The following PNP variants were observed in gnomAD, a reference collection of about 807,000 sequenced individuals.
The protein encoded by PNP is HEL-S-156an.
Under a neutral mutation model 26.8 loss-of-function variants are expected in PNP, and 18 were observed. The observed-to-expected ratio is 0.67, with a 90% confidence interval of 0.46 to 1.00. The LOEUF is 1.00. PNP is among the 50% of genes least tolerant of loss of function. The probability of loss-of-function intolerance (pLI) is 0.00; values close to 1 mark genes in which losing one functional copy is unlikely to be tolerated. For synonymous variants in PNP, 116 were observed against 124.8 expected (o/e 0.93, Z 0.47); for missense variants, 320 against 362.9 (o/e 0.88, Z 0.96).
Position 20,476,454 on chromosome 14 carries a change from C to A in PNP, c.723C>A (p.Ile241=). 1 of 1,614,198 alleles carries A rather than the reference C, an allele frequency of 6.2e-7. No homozygotes were observed. Among genetic ancestry groups the A allele is most frequent in the Non-Finnish European group, 8.5e-7 (1 of 1,180,020 alleles). ...CGLRVFGFSL[I]TNKVIMDYES... ...TTCGAGTCTTTGGCTTCTCACTCAT[C>A]ACTAACAAGGTCATCATGGATTATG... is the stretch of plus-strand genomic sequence containing the variant. The change falls in exon 6 of 6, where the codon ATC becomes ATA. Residue 241 remains isoleucine (I), a synonymous_variant. Transcript: ENST00000361505.
intron 2 of PNP, chr14:20,473,631 T>A (rs1446601282): frequency 1.3e-5 from 2 of 152,376 alleles, no homozygotes; most frequent in African/African-American, 4.8e-5. Flanking sequence ...AGTGTTGTGA[T>A]CTCGGCTCAC....
At chr14:20,471,430 G>T (rs12147688) in intron 1 of PNP, among the ~76,000 whole-genome samples, 40,002 of 150,942 alleles carry the variant, frequency 0.27, 5,295 homozygotes, top group African/African-American at 0.31. Flanking sequence ...GTGTGTGTGT[G>T]TTTTTTATAG....
In PNP at chr14:20,474,826, C is replaced by T. The variant is rs1180551873; in HGVS notation, c.339C>T (p.Val113=). 6.2e-7 allele frequency: 1 copy of T among 1,614,148 alleles called. No homozygotes were observed. Among genetic ancestry groups the T allele is most frequent in the Non-Finnish European group, 8.5e-7 (1 of 1,180,008 alleles). The change falls in exon 4 of 6, where the codon GTC becomes GTT. Residue 113 remains valine, a synonymous_variant. Coordinates refer to ENST00000361505, the MANE Select transcript of PNP (RefSeq NM_000270.4). ...TTCTGGGTGTGGACACCCTGGTAGT[C>T]ACCAATGCAGCAGGAGGGCTGAACC... ...FHLLGVDTLV[V]TNAAGGLNPK...
At chr14:20,475,399 A>G (rs1882081651) in intron 5 of PNP, 147 bp downstream of exon 5, 1 of 729,582 alleles carries the variant, frequency 1.4e-6, no homozygotes. Flanking sequence ...TGAAATACAA[A>G]CTGGTGAGAT....
rs1319429930 is a variant in PNP at position 20,469,455 on chromosome 14, C to T, written c.-70C>T. ...CCTTGCTCAGTTCAGCATAGCGGAGCGGATCCGATCGGATCGGAGCGGATC... is the reference window on the plus strand; with the variant it reads ...CCTTGCTCAGTTCAGCATAGCGGAGTGGATCCGATCGGATCGGAGCGGATC... On this transcript the variant is annotated 5_prime_UTR_variant, in exon 1 of 6. Transcript: ENST00000361505. 2.6e-6 allele frequency: 4 copies of T among 1,543,446 alleles called. No individual in the cohort carries two copies. Among genetic ancestry groups the T allele is most frequent in the Non-Finnish European group, 2.6e-6 (3 of 1,141,234 alleles).
At chr14:20,471,809 T>C (rs1306685457) in intron 1 of PNP, among the ~76,000 whole-genome samples, 2 of 152,180 alleles carry the variant, frequency 1.3e-5, no homozygotes, top group Non-Finnish European at 2.9e-5. Flanking sequence ...TGAATGTCTT[T>C]GGGGAACAGG....
chr14:20,474,093 C>T, intron 2 of PNP: 1 of 291,056 alleles, frequency 3.4e-6, no homozygotes. Flanking sequence ...CATTTGGTTC[C>T]CACTTATAAG....
chr14:20,472,671 C>T, intron 2 of PNP, 194 bp downstream of exon 2: 3 of 679,408 alleles, frequency 4.4e-6, no homozygotes, highest in Non-Finnish European at 8.0e-6. Flanking sequence ...CCATAAGAGA[C>T]AGGACATGTG....
Position 20,472,418 on chromosome 14 carries a change from A to T in PNP, c.122A>T (p.Lys41Ile). Residue 41 changes from lysine to isoleucine, a missense_variant, in exon 2 of 6, where the codon AAA becomes ATA. By Grantham distance (102) the Lys-to-Ile change is moderately radical. Transcript: ENST00000361505. ...TCTGGATTAGGAGGTCTGACTGATAAATTAACTCAGGCCCAGATCTTTGAC... is the reference window on the plus strand; with the variant it reads ...TCTGGATTAGGAGGTCTGACTGATATATTAACTCAGGCCCAGATCTTTGAC... Reference protein sequence around the residue: ...CGSGLGGLTDKLTQAQIFDYG... With the variant: ...CGSGLGGLTDILTQAQIFDYG... 1 of 1,614,120 alleles carries T rather than the reference A, an allele frequency of 6.2e-7. No individual in the cohort carries two copies. The highest frequency in any genetic ancestry group is 8.5e-7 in the Non-Finnish European group (1 of 1,179,956).
intron 1 of PNP, among the ~76,000 whole-genome samples, chr14:20,470,309 G>A (rs372102992): frequency 1.3e-5 from 2 of 152,216 alleles, no homozygotes; most frequent in Non-Finnish European, 2.9e-5. Flanking sequence ...GCCATGTGGC[G>A]GCAGCTTCAC....
Position 20,469,676 on chromosome 14 carries a change from T to C in PNP, c.11+141T>C, listed in dbSNP as rs1473657068. 1.0e-5 allele frequency: 12 copies of C among 1,165,654 alleles called. No individual in the cohort carries two copies. The East Asian group carries it at 2.8e-4, about 27-fold the overall frequency. The allele number at this position is 1,165,654 out of a possible 1,614,324, so 72.2% of individuals were successfully genotyped here. A position where few individuals can be genotyped will look rare whatever the true frequency, so the allele number is the denominator to read the frequency against. On this transcript the variant is annotated intron_variant, in intron 1 of 5. Coordinates refer to ENST00000361505, the MANE Select transcript of PNP (RefSeq NM_000270.4). ...CAGAGAGGCCTGGCACTGAGCCTAGTGTCGGGAGCAAGGCGGCAGAGTCAT... is the reference window on the plus strand; with the variant it reads ...CAGAGAGGCCTGGCACTGAGCCTAGCGTCGGGAGCAAGGCGGCAGAGTCAT...
chr14:20,470,579 G>A (rs1881966300), intron 1 of PNP: 1 of 151,180 alleles, frequency 6.6e-6, no homozygotes, highest in African/African-American at 2.4e-5. Context: ...TGAAAGCAAC[G>A]TTTGGTCTTC....
intron 4 of PNP, 56 bp downstream of exon 4, chr14:20,475,004 A>C: frequency 6.2e-7 from 1 of 1,613,378 alleles, no homozygotes; most frequent in Non-Finnish European, 8.5e-7. Flanking sequence ...CTTCTCTAGG[A>C]GCTGTGGGAG....
intron 1 of PNP, among the ~76,000 whole-genome samples, chr14:20,471,033 T>G (rs940464211): frequency 1.3e-5 from 2 of 151,828 alleles, no homozygotes; most frequent in African/African-American, 4.8e-5. Context: ...TATTTTATTT[T>G]TATTTATTTA....
intron 1 of PNP, 112 bp downstream of exon 1, chr14:20,469,647 G>A: frequency 7.3e-7 from 1 of 1,362,160 alleles, no homozygotes; most frequent in East Asian, 2.5e-5. Context: ...GCGCCCAGGG[G>A]ATGCAGAGAG....
Position 20,474,865 on chromosome 14 carries a change from T to A in PNP, c.378T>A (p.Val126=). The change falls in exon 4 of 6, where the codon GTT becomes GTA. Residue 126 remains valine, a synonymous_variant. Transcript: ENST00000361505. ...GAGGGCTGAACCCCAAGTTTGAGGT[T>A]GGAGATATCATGCTGATCCGTGACC... is the stretch of plus-strand genomic sequence containing the variant. ...AAGGLNPKFE[V]GDIMLIRDHI... The A allele has an allele frequency of 6.2e-7, 1 of 1,614,210 alleles. No homozygotes were observed. Among genetic ancestry groups the A allele is most frequent in the Non-Finnish European group, 8.5e-7 (1 of 1,180,044 alleles).
chr14:20,472,766 C>T (rs984525758), intron 2 of PNP: 14 of 384,274 alleles, frequency 3.6e-5, no homozygotes, highest in Admixed American at 1.2e-4. Flanking sequence ...ATTTGGTTTA[C>T]GTAATTTCTC....
intron 1 of PNP, among the ~76,000 whole-genome samples, chr14:20,471,188 G>A (rs1045137786): frequency 1.2e-4 from 17 of 139,974 alleles, no homozygotes; most frequent in Admixed American, 6.6e-4. Context: ...CCGCCACCAC[G>A]CCCGGCTAAT....
At chr14:20,471,427 TGTG>T (rs1329215181) in intron 1 of PNP, among the ~76,000 whole-genome samples, 1 of 151,688 alleles carries the variant, frequency 6.6e-6, no homozygotes, top group Non-Finnish European at 1.5e-5. Flanking sequence ...TGTGTGTGTG[TGTG>T]TTTTTTATAG....
Sources: gnomAD v4.1 joint callset for allele counts (sites outside exome capture counted in the v4.1 genomes callset) on GRCh38, gnomAD v4.1.1 for gene constraint, MANE v1.5 for transcripts, NCBI Gene and HGNC (gene_info 2026-07-23, HGNC 2026-07-21) for gene names.